Variants in ADAMTS6 observed in about 807,000 individuals in gnomAD.
ADAMTS6 encodes the protein ADAM metallopeptidase with thrombospondin type 1 motif 6, also known as A disintegrin and metalloproteinase with thrombospondin motifs 6.
ADAMTS6 carries 23 observed loss-of-function variants against 144.3 expected under a neutral mutation model. The ratio of observed to expected loss-of-function variants is 0.16; its 90% CI spans 0.11 to 0.23. The LOEUF (loss-of-function observed/expected upper bound fraction) is 0.23. ADAMTS6 is among the 10% of genes least tolerant of loss of function. The probability of loss-of-function intolerance (pLI) is 1.00; values close to 1 mark genes in which losing one functional copy is unlikely to be tolerated. For missense variants in ADAMTS6, 999 were observed against 1,379.6 expected (o/e 0.72, Z 4.37); for synonymous variants, 444 against 457.5 (o/e 0.97, Z 0.38).
In ADAMTS6 at chr5:65,371,032, C is replaced by G. The variant is rs563571061; in HGVS notation, c.1074-36947G>C. The stretch of plus-strand genomic sequence containing the variant: ...GGGGCACACTGACACCTCACATGGC[C>G]GGGTACTCCAACAGACCTGCAGCTG... On this transcript the variant is annotated intron_variant, in intron 7 of 24. Coordinates refer to ENST00000381055, the MANE Select transcript of ADAMTS6 (RefSeq NM_197941.4). Among the ~76,000 whole-genome samples the G allele has an allele frequency of 1.0e-3, 157 of 152,084 alleles. 1 individual carries two copies. Among genetic ancestry groups the G allele is most frequent in the African/African-American group, 3.6e-3 (150 of 41,506 alleles).
chr5:65,362,628 G>T (rs961295480), intron 7 of ADAMTS6, among the ~76,000 whole-genome samples: 5 of 152,124 alleles, frequency 3.3e-5, no homozygotes, highest in African/African-American at 1.2e-4. Context: ...AGAGCTTGAA[G>T]AGTACTCTAC....
chr5:65,195,766 C>G (rs974513689), intron 21 of ADAMTS6, among the ~76,000 whole-genome samples: 9 of 152,196 alleles, frequency 5.9e-5, no homozygotes, highest in Admixed American at 5.2e-4. Flanking sequence ...TTTGCTTATT[C>G]TCTTTTGCCT....
chr5:65,248,245 G>A (rs1283640507), intron 14 of ADAMTS6, among the ~76,000 whole-genome samples: 1 of 151,950 alleles, frequency 6.6e-6, no homozygotes, highest in African/African-American at 2.4e-5. Flanking sequence ...CTCAACCTCA[G>A]TTTTTATTCA....
rs1561364453 is a variant in ADAMTS6 at position 65,275,407 on chromosome 5, GAAA to G, written c.1513-1963_1513-1961del. Among the ~76,000 whole-genome samples the G allele has an allele frequency of 3.0e-3, 363 of 119,988 alleles. 1 individual carries two copies. The highest frequency in any genetic ancestry group is 0.011 in the African/African-American group (348 of 31,200). 78.7% of individuals were successfully genotyped at this position (119,988 alleles called of 152,430 possible). A position where few individuals can be genotyped will look rare whatever the true frequency, so the allele number is the denominator to read the frequency against. ...AGAAAGAAAGAAAGAAAGAAAGAAA[GAAA>G]GAAAGAAAAGAAAGAAAGAAAGAAA... On this transcript the variant is annotated intron_variant, in intron 11 of 24. Transcript: ENST00000381055.
chr5:65,387,317 T>C (rs1037719199), intron 7 of ADAMTS6, among the ~76,000 whole-genome samples: 14 of 152,264 alleles, frequency 9.2e-5, no homozygotes, highest in Admixed American at 7.2e-4. Flanking sequence ...ATGTACTTCA[T>C]AGATTAATTA....
intron 10 of ADAMTS6, among the ~76,000 whole-genome samples, chr5:65,296,567 A>G (rs1742857725): frequency 6.6e-6 from 1 of 152,176 alleles, no homozygotes; most frequent in Non-Finnish European, 1.5e-5. Context: ...TTTTTTAAAA[A>G]GGTCCCATCT....
intron 7 of ADAMTS6, among the ~76,000 whole-genome samples, chr5:65,424,303 T>C (rs1393636203): frequency 1.3e-5 from 2 of 152,174 alleles, no homozygotes; most frequent in South Asian, 4.1e-4. Flanking sequence ...ACTCAAGAAG[T>C]AGGCAATTAA....
At chr5:65,371,925 C>T (rs563885329) in intron 7 of ADAMTS6, among the ~76,000 whole-genome samples, 21 of 152,182 alleles carry the variant, frequency 1.4e-4, no homozygotes, top group African/African-American at 3.9e-4. Flanking sequence ...GTGGACCTCT[C>T]GGCAGAAACT....
intron 5 of ADAMTS6, 131 bp from the exon 6 acceptor site, chr5:65,452,347 C>T: frequency 1.5e-6 from 1 of 686,140 alleles, no homozygotes; most frequent in Non-Finnish European, 2.4e-6. Context: ...TCACTTAGAA[C>T]TCTACCTTCA....
chr5:65,263,316 T>A (rs1209568099), intron 12 of ADAMTS6, among the ~76,000 whole-genome samples: 2 of 151,812 alleles, frequency 1.3e-5, no homozygotes, highest in Non-Finnish European at 2.9e-5. Context: ...TTATTTAAAA[T>A]TTTTCTTTAT....
intron 7 of ADAMTS6, among the ~76,000 whole-genome samples, chr5:65,353,113 G>A (rs911173056): frequency 6.6e-6 from 1 of 151,828 alleles, no homozygotes; most frequent in Non-Finnish European, 1.5e-5. Context: ...AATAATAACA[G>A]GCTTAACATT....
chr5:65,270,463 T>C (rs139596656), intron 12 of ADAMTS6, among the ~76,000 whole-genome samples: 26 of 152,306 alleles, frequency 1.7e-4, no homozygotes, highest in African/African-American at 5.5e-4. Context: ...GTCTAGTTCT[T>C]TTTGTTTGTT....
intron 3 of ADAMTS6, among the ~76,000 whole-genome samples, chr5:65,463,682 C>G (rs1759791624): frequency 6.6e-6 from 1 of 152,106 alleles, no homozygotes; most frequent in South Asian, 2.1e-4. Flanking sequence ...GTTTTCTGAT[C>G]CCATCTCCTA....
intron 9 of ADAMTS6, 57 bp downstream of exon 9, chr5:65,329,321 C>A (rs1746481296): frequency 6.7e-7 from 1 of 1,500,772 alleles, no homozygotes. Context: ...ACAGTAGTTA[C>A]AAGTTGCTCA....
At chr5:65,398,784 GAAAGAA>G (rs536524061) in intron 7 of ADAMTS6, among the ~76,000 whole-genome samples, 7,418 of 48,492 alleles carry the variant, frequency 0.15, 578 homozygotes, top group Middle Eastern at 0.24. Context: ...GAGAGAGCAA[GAAAGAA>G]AGAAAGAAAG....
intron 8 of ADAMTS6, among the ~76,000 whole-genome samples, chr5:65,333,562 A>C (rs939274839): frequency 1.3e-5 from 2 of 151,662 alleles, no homozygotes; most frequent in Non-Finnish European, 2.9e-5. Context: ...AAATTGTACC[A>C]AAAAAAGTAT....
chr5:65,284,863 A>C (rs1198499942), intron 11 of ADAMTS6, among the ~76,000 whole-genome samples: 1 of 152,080 alleles, frequency 6.6e-6, no homozygotes, highest in Admixed American at 6.6e-5. Context: ...CTTAAATCAA[A>C]ATTATGGAGC....
In ADAMTS6 at chr5:65,481,775, G is replaced by A. The variant is rs946901745; in HGVS notation, c.-712C>T. On this transcript the variant is annotated 5_prime_UTR_variant, in exon 1 of 25. Transcript: ENST00000381055. ...AAATAACATGTGCAGAGCATCAAAA[G>A]GTATCAGGAGAAAAGAAGACAAGAG... 6.6e-6 allele frequency: 1 copy of A among 152,290 alleles called. No individual in the cohort carries two copies. The allele number at this position is 152,290 out of a possible 1,614,324, so 9.4% of individuals were successfully genotyped here.
intron 15 of ADAMTS6, among the ~76,000 whole-genome samples, chr5:65,237,054 T>G (rs1758725025): frequency 6.6e-6 from 1 of 151,976 alleles, no homozygotes. Context: ...GTCAATAAAC[T>G]GGACCACATG....
Sources: gnomAD v4.1 joint callset for allele counts (sites outside exome capture counted in the v4.1 genomes callset) on GRCh38, gnomAD v4.1.1 for gene constraint, MANE v1.5 for transcripts, NCBI Gene and HGNC (gene_info 2026-07-23, HGNC 2026-07-21) for gene names.